TMEM150B: variants seen among roughly 807,000 people sequenced by gnomAD.
The protein encoded by TMEM150B is modulator of macroautophagy TMEM150B.
A neutral mutation model predicts 25.2 loss-of-function variants in TMEM150B; 33 were observed. That is an observed-to-expected ratio of 1.31 (90% CI 0.99 to 1.75). The LOEUF (loss-of-function observed/expected upper bound fraction) is 1.75. Ranked by LOEUF, TMEM150B falls within the 40% of genes most tolerant of loss-of-function variation. The probability of loss-of-function intolerance (pLI) is 0.00; values close to 1 mark genes in which losing one functional copy is unlikely to be tolerated. For synonymous variants in TMEM150B, 133 were observed against 134.8 expected (o/e 0.99, Z 0.09); for missense variants, 322 against 306.1 (o/e 1.05, Z -0.39).
At chr19:55,324,509 G>A (rs1409923599) in intron 1 of TMEM150B, among the ~76,000 whole-genome samples, 2 of 151,990 alleles carry the variant, frequency 1.3e-5, no homozygotes, top group Non-Finnish European at 2.9e-5. Context: ...TTAGCCGGGT[G>A]TGGTGGCAGG....
At chr19:55,319,294 G>T (rs1028438983) in intron 6 of TMEM150B, among the ~76,000 whole-genome samples, 17 of 151,928 alleles carry the variant, frequency 1.1e-4, no homozygotes, top group African/African-American at 3.9e-4. Context: ...TGTATTTTTA[G>T]TAGAGATGGG....
At chr19:55,312,033 A>G, downstream of TMEM150B, 1 of 1,494,726 alleles carries the variant, frequency 6.7e-7, no homozygotes, top group Non-Finnish European at 8.9e-7. Context: ...CAAGGACAAG[A>G]AGCTCCTGGC....
chr19:55,312,600 G>A, downstream of TMEM150B: 1 of 398,612 alleles, frequency 2.5e-6, no homozygotes, highest in Non-Finnish European at 4.4e-6. Context: ...GGGACAGCTG[G>A]CTGGCCTTGG....
At chr19:55,314,162 C>T (rs563989413) in intron 7 of TMEM150B, among the ~76,000 whole-genome samples, 1 of 152,318 alleles carries the variant, frequency 6.6e-6, no homozygotes, top group Non-Finnish European at 1.5e-5. Flanking sequence ...GCTGGGACTA[C>T]AGGCGTGTGC....
intron 6 of TMEM150B, 83 bp from the exon 7 acceptor site, chr19:55,317,049 T>C: frequency 6.0e-6 from 8 of 1,331,190 alleles, no homozygotes; most frequent in Non-Finnish European, 8.1e-6. Context: ...CCTTCACCAA[T>C]GCAGTAGACA....
chr19:55,312,971 C>A lies in TMEM150B; in HGVS notation c.590G>T (p.Gly197Val). The stretch of plus-strand genomic sequence containing the variant: ...GGCGGAGAAGTCAACGGCTAAGAGA[C>A]CGAAGAGCGCGAACAGCAGCATGGC... ...VVAMLLFALF[G>V]LLAVDFSALE... The change falls in exon 8 of 8, where the codon GGT (glycine) becomes GTT (valine). Residue 197 changes from glycine to valine, a missense_variant. Transcript: ENST00000326652. 6.2e-7 allele frequency: 1 copy of A among 1,613,608 alleles called. No individual in the cohort carries two copies. The highest frequency in any genetic ancestry group is 8.5e-7 in the Non-Finnish European group (1 of 1,179,830).
At chr19:55,312,617 G>A (rs1046608693), downstream of TMEM150B, 2 of 388,154 alleles carry the variant, frequency 5.2e-6, no homozygotes, top group Non-Finnish European at 9.2e-6. Flanking sequence ...TTGGCCTCTC[G>A]ATTCCTGGGT....
At chr19:55,310,050 C>CCCAGGGTCAGGTCTT (rs1446476088), downstream of TMEM150B, among the ~76,000 whole-genome samples, 3 of 152,202 alleles carry the variant, frequency 2.0e-5, no homozygotes, top group Non-Finnish European at 4.4e-5. The surrounding 1 kb of genome is among the most constrained non-coding windows in gnomAD (Gnocchi z 5.0). Context: ...AACTCTGAGT[C>CCCAGGGTCAGGTCTT]CCAGGGTCAG....
downstream of TMEM150B, among the ~76,000 whole-genome samples, chr19:55,311,044 T>G (rs2123012733): frequency 6.6e-6 from 1 of 152,222 alleles, no homozygotes; most frequent in South Asian, 2.1e-4. Flanking sequence ...CACTGCAACT[T>G]CCACCTCCCG....
At chr19:55,319,444 T>G (rs1435814208) in intron 6 of TMEM150B, 1 of 115,444 alleles carries the variant, frequency 8.7e-6, no homozygotes, top group African/African-American at 3.4e-5. Flanking sequence ...TTTTTTTTTT[T>G]TTTTTTTTTT....
chr19:55,324,911 A>C, intron 1 of TMEM150B: 1 of 984,826 alleles, frequency 1.0e-6, no homozygotes, highest in Non-Finnish European at 1.2e-6. Context: ...CCTCTAAAGG[A>C]AGTCACACAA....
intron 6 of TMEM150B, among the ~76,000 whole-genome samples, chr19:55,317,287 C>A (rs1366305382): frequency 6.6e-6 from 1 of 152,106 alleles, no homozygotes; most frequent in Non-Finnish European, 1.5e-5. Flanking sequence ...GTGAAAAATT[C>A]TTAAATATTA....
chr19:55,313,102 C>A, intron 7 of TMEM150B, 47 bp from the exon 8 acceptor site: 1 of 1,543,542 alleles, frequency 6.5e-7, no homozygotes, highest in Non-Finnish European at 8.7e-7. Context: ...AGACGCGGAG[C>A]CCGGCCTGGT....
At position 55,324,925 on chromosome 19, in the gene TMEM150B, T is replaced by C. The variant is rs539971268; in HGVS notation, c.-154+347A>G. 262 of 981,468 alleles carry C rather than the reference T, an allele frequency of 2.7e-4. No homozygotes were observed. In the South Asian group the frequency reaches 2.9e-3, roughly 11 times the overall value. The allele number at this position is 981,468 out of a possible 1,614,324, so 60.8% of individuals were successfully genotyped here. On this transcript the variant is annotated intron_variant, in intron 1 of 7. Transcript: ENST00000326652. ...TCCTCTAAAGGAAGTCACACAAAGC[T>C]ATGAGGGAGCCCAGGGGAGGGAGGG...
chr19:55,311,747 A>G (rs2088801198), downstream of TMEM150B, among the ~76,000 whole-genome samples: 1 of 152,072 alleles, frequency 6.6e-6, no homozygotes, highest in Non-Finnish European at 1.5e-5. Context: ...CGAGTAACCA[A>G]TTCAAGGCCA....
chr19:55,324,841 C>T lies in TMEM150B; in HGVS notation c.-154+431G>A, dbSNP rs1177835180. The T allele has an allele frequency of 9.1e-6, 9 of 985,210 alleles. No homozygotes were observed. The East Asian group carries it at 5.7e-4, about 62-fold the overall frequency. 61.0% of individuals were successfully genotyped at this position (985,210 alleles called of 1,614,324 possible). Reference sequence around the variant, plus strand: ...TTGCCCAGACATGAATCTGAGCCACCCCCTGCCCTCAGGGGAATCCCTGTC... The same window carrying T: ...TTGCCCAGACATGAATCTGAGCCACTCCCTGCCCTCAGGGGAATCCCTGTC... On this transcript the variant is annotated intron_variant, in intron 1 of 7. Coordinates refer to ENST00000326652, the MANE Select transcript of TMEM150B (RefSeq NM_001282011.2).
Position 55,320,929 on chromosome 19 carries a change from A to C in TMEM150B, c.68+40T>G. On this transcript the variant is annotated intron_variant, in intron 3 of 7. Transcript: ENST00000326652. Reference sequence around the variant, plus strand: ...AGAAATCCAGGCCCCAGCCCCCTCCACCCTCAGACCCAGGAGTCCATCATG... The same window carrying C: ...AGAAATCCAGGCCCCAGCCCCCTCCCCCCTCAGACCCAGGAGTCCATCATG... 4.4e-6 allele frequency: 7 copies of C among 1,593,118 alleles called. 1 individual carries two copies. In the South Asian group the frequency reaches 7.8e-5, roughly 18 times the overall value.
At chr19:55,312,168 G>A (rs2123019989), downstream of TMEM150B, 2 of 578,398 alleles carry the variant, frequency 3.5e-6, no homozygotes, top group Non-Finnish European at 5.9e-6. Context: ...GTCGGGAGGG[G>A]GGTGGACACA....
intron 7 of TMEM150B, among the ~76,000 whole-genome samples, chr19:55,316,271 C>G (rs1490453993): frequency 6.6e-6 from 1 of 152,168 alleles, no homozygotes; most frequent in Non-Finnish European, 1.5e-5. Flanking sequence ...CGCAAGCCAC[C>G]TGCAGCCTAT....
Sources: allele counts gnomAD v4.1 joint callset (sites outside exome capture counted in the v4.1 genomes callset), GRCh38; gene constraint gnomAD v4.1.1; non-coding constraint Gnocchi (gnomAD v3.1); transcripts MANE v1.5; gene names NCBI Gene and HGNC (gene_info 2026-07-23, HGNC 2026-07-21).